The following PSD variants were observed in gnomAD, a reference collection of about 807,000 sequenced individuals.
The protein encoded by PSD is PH and SEC7 domain-containing protein 1.
Under a neutral mutation model 91.6 loss-of-function variants are expected in PSD, and 32 were observed. The ratio of observed to expected loss-of-function variants is 0.35; its 90% CI spans 0.26 to 0.47. The LOEUF is 0.47. Among genes scored for constraint, PSD ranks in the 20% least tolerant of loss-of-function variants. PSD has a pLI of 1.00. For synonymous variants in PSD, 532 were observed against 569.3 expected, an observed-to-expected ratio of 0.93 and a Z score of 0.93; for missense variants, 1,099 against 1,373.9, an observed-to-expected ratio of 0.80 and a Z score of 3.16.
chr10:102,416,751 G>A lies in PSD; in HGVS notation c.288C>T (p.Ala96=), dbSNP rs751841760. 5.0e-6 allele frequency: 8 copies of A among 1,590,374 alleles called. No homozygotes were observed. Among genetic ancestry groups the A allele is most frequent in the African/African-American group, 4.0e-5 (3 of 74,406 alleles). Residue 96 remains alanine (A), a synonymous_variant, in exon 2 of 17, where the codon GCC becomes GCT. Transcript: ENST00000020673. This position sits in a 1 kb window ranked among gnomAD's most constrained non-coding sequence, Gnocchi z 6.0. ...AGCGGAAGATGACCACAGAGCTCTG[G>A]GCCCCGGGTGGGGGCTGCCCAGTGG... is the stretch of plus-strand genomic sequence containing the variant. ...SSPTGQPPPG[A]QSSVVIFRFV...
Position 102,411,046 on chromosome 10 carries a change from G to C in PSD, c.2001+12C>G. 5 of 1,612,760 alleles carry C rather than the reference G, an allele frequency of 3.1e-6. No homozygotes were observed. The African/African-American group carries it at 5.3e-5, about 17-fold the overall frequency. On this transcript the variant is annotated intron_variant, in intron 9 of 16. Transcript: ENST00000020673. ...TTTGTTTTCCGGCTCCTGCCCGCCC[G>C]CCTCCACTCACATGGCCGTGGAGAT...
rs1589898242 is a variant in PSD at position 102,418,707 on chromosome 10, T to C, written c.-90A>G. On this transcript the variant is annotated 5_prime_UTR_variant, in exon 1 of 17. Transcript: ENST00000020673. Reference sequence around the variant, plus strand: ...ATGCCACCTCAGTACTCACCGCTGCTCGCCCAGAGCTGAGACCGAGGAGAG... The same window carrying C: ...ATGCCACCTCAGTACTCACCGCTGCCCGCCCAGAGCTGAGACCGAGGAGAG... 2 of 455,738 alleles carry C rather than the reference T, an allele frequency of 4.4e-6. No homozygotes were observed. Among genetic ancestry groups the C allele is most frequent in the East Asian group, 7.0e-5 (1 of 14,372 alleles). 28.2% of individuals were successfully genotyped at this position (455,738 alleles called of 1,614,324 possible).
chr10:102,406,601 G>A (rs991627486), intron 11 of PSD, among the ~76,000 whole-genome samples: 4 of 149,718 alleles, frequency 2.7e-5, no homozygotes, highest in South Asian at 2.1e-4. Flanking sequence ...TCCACCTCTC[G>A]GGTTCACAGC....
rs766256978 is a variant in PSD, at chr10:102,412,558, T to C, written c.1571A>G (p.Gln524Arg). The C allele has an allele frequency of 1.9e-6, 3 of 1,612,978 alleles. No individual in the cohort carries two copies. In the Admixed American group the frequency reaches 5.0e-5, roughly 27 times the overall value. The change falls in exon 6 of 17, where the codon CAG becomes CGG. Residue 524 changes from glutamine to arginine, a missense_variant. Physicochemically the swap from Gln to Arg is conservative, Grantham distance 43 (BLOSUM62 1). Transcript: ENST00000020673. ...APLGSEPPLS[Q>R]LVSDSDSELD... ...CTCTGAGTCTGAGTCGGACACCAGCTGGCTCAGGGGTGGTTCGCTGCCGGG... is the reference window on the plus strand; with the variant it reads ...CTCTGAGTCTGAGTCGGACACCAGCCGGCTCAGGGGTGGTTCGCTGCCGGG...
chr10:102,403,452 T>C lies in PSD; in HGVS notation c.2845-22A>G, dbSNP rs2061310240. On this transcript the variant is annotated intron_variant, in intron 16 of 16. Transcript: ENST00000020673. This position sits in a 1 kb window ranked among gnomAD's most constrained non-coding sequence, Gnocchi z 6.7. ...ATTTCTGAGGCAGAGGGGCAGGGGC[T>C]GTGAGAGCCTCTTCTCTGCCTTCTG... The C allele has an allele frequency of 6.3e-7, 1 of 1,579,948 alleles. No individual in the cohort carries two copies. The highest frequency in any genetic ancestry group is 8.6e-7 in the Non-Finnish European group (1 of 1,163,570).
Position 102,415,068 on chromosome 10 carries a change from C to T in PSD, c.919G>A (p.Glu307Lys). 6.2e-7 allele frequency: 1 copy of T among 1,614,080 alleles called. No individual in the cohort carries two copies. The highest frequency in any genetic ancestry group is 8.5e-7 in the Non-Finnish European group (1 of 1,179,990). Residue 307 changes from glutamate to lysine, a missense_variant, in exon 4 of 17, where the codon GAG becomes AAG. Around this residue, in one of 3 missense-constraint regions of PSD, gnomAD observed 631 missense variants for 728.8 expected, o/e 0.87. Coordinates refer to ENST00000020673, the MANE Select transcript of PSD (RefSeq NM_002779.5). ...ATGGCCGAGTCGGCCTCCTCCCGCT[C>T]AGCCAGCACCTCATCGATGTCAGTC... ...RETDIDEVLAEREEADSAIES... is the reference protein window; with the variant it reads ...RETDIDEVLAKREEADSAIES...
intron 8 of PSD, 131 bp from the exon 9 acceptor site, chr10:102,411,247 A>T: frequency 4.1e-6 from 3 of 731,350 alleles, no homozygotes; most frequent in Non-Finnish European, 6.5e-6. Flanking sequence ...CCGCTAGTAA[A>T]CCCTCCCCAC....
At chr10:102,406,683 G>A (rs900666549) in intron 11 of PSD, among the ~76,000 whole-genome samples, 28 of 152,100 alleles carry the variant, frequency 1.8e-4, no homozygotes, top group South Asian at 8.3e-4. Flanking sequence ...AATTTTTTGT[G>A]TTTTTAGTGG....
intron 5 of PSD, among the ~76,000 whole-genome samples, chr10:102,413,325 C>T (rs1041957677): frequency 6.6e-6 from 1 of 152,150 alleles, no homozygotes; most frequent in Non-Finnish European, 1.5e-5. Flanking sequence ...AAAGGACTTC[C>T]TGGAGCTGGA....
chr10:102,419,172 A>T (rs907289381), upstream of PSD: 32 of 220,180 alleles, frequency 1.5e-4, no homozygotes, highest in African/African-American at 6.7e-4. The surrounding 1 kb of genome is among the most constrained non-coding windows in gnomAD (Gnocchi z 4.8). Context: ...CCCCACGAGC[A>T]CGCGGCCGCG....
In PSD at chr10:102,413,986, G is replaced by T. The variant is rs2061449780; in HGVS notation, c.1336C>A (p.Pro446Thr). Reference sequence around the variant, plus strand: ...TCGGGCCGGGGTGCAGGGGGTTGGGGAGGCAGCTCAAAGGTGAAGAAGGGG... The same window carrying T: ...TCGGGCCGGGGTGCAGGGGGTTGGGTAGGCAGCTCAAAGGTGAAGAAGGGG... ...QSPFFTFELP[P>T]QPPAPRPDPP... Residue 446 changes from proline to threonine, a missense_variant, in exon 5 of 17, where the codon CCC becomes ACC. Transcript: ENST00000020673. The T allele has an allele frequency of 2.5e-6, 4 of 1,613,830 alleles. No individual in the cohort carries two copies. The South Asian group carries it at 3.3e-5, about 13-fold the overall frequency.
chr10:102,405,278 G>A lies in PSD; in HGVS notation c.2327-25C>T, dbSNP rs562237093. 19 of 1,609,922 alleles carry A rather than the reference G, an allele frequency of 1.2e-5. No homozygotes were observed. In the South Asian group the frequency reaches 1.5e-4, roughly 13 times the overall value. On this transcript the variant is annotated intron_variant, in intron 12 of 16. Transcript: ENST00000020673. The surrounding 1 kb of genome is among the most constrained non-coding windows in gnomAD (Gnocchi z 5.4). ...GCTGCGGGGAGAGAAGACAGGTCAG[G>A]GGGCCCTGGAACAGGCCCACTCCCA...
intron 10 of PSD, 73 bp from the exon 11 acceptor site, chr10:102,407,339 C>G: frequency 9.9e-7 from 1 of 1,008,876 alleles, no homozygotes; most frequent in Non-Finnish European, 1.4e-6. Context: ...GCCTTCCCCT[C>G]TAACTTGAGA....
At position 102,409,238 on chromosome 10, in the gene PSD, G is replaced by T; in HGVS notation, c.2091+1620C>A. ...CCGAGCCGGCCCGGCTCTCACGGACGCACGGAGTGCGCGGCGGCGGCGGCG... is the reference window on the plus strand; with the variant it reads ...CCGAGCCGGCCCGGCTCTCACGGACTCACGGAGTGCGCGGCGGCGGCGGCG... On this transcript the variant is annotated intron_variant, in intron 10 of 16. Coordinates refer to ENST00000020673, the MANE Select transcript of PSD (RefSeq NM_002779.5). The surrounding 1 kb of genome is among the most constrained non-coding windows in gnomAD (Gnocchi z 5.7). 2.0e-6 allele frequency: 2 copies of T among 984,324 alleles called. No homozygotes were observed. The highest frequency in any genetic ancestry group is 2.4e-6 in the Non-Finnish European group (2 of 829,416). The allele number at this position is 984,324 out of a possible 1,614,324, so 61.0% of individuals were successfully genotyped here. A position where few individuals can be genotyped will look rare whatever the true frequency, so the allele number is the denominator to read the frequency against.
chr10:102,406,041 C>T (rs1027565150), intron 11 of PSD: 4 of 156,822 alleles, frequency 2.6e-5, no homozygotes, highest in Non-Finnish European at 5.7e-5. Context: ...TGCTCAAGAA[C>T]CTGTGGTAGT....
In PSD at chr10:102,402,639, A is replaced by T. The variant is rs747538186; in HGVS notation, c.*561T>A. On this transcript the variant is annotated 3_prime_UTR_variant, in exon 17 of 17. Coordinates refer to ENST00000020673, the MANE Select transcript of PSD (RefSeq NM_002779.5). ...AGCCAGCAAGTCCAGAGCAGTTTTA[A>T]TGGGGGTGGAGGCTGTACAAAGGGC... is the stretch of plus-strand genomic sequence containing the variant. The T allele has an allele frequency of 9.5e-6, 4 of 422,232 alleles. No individual in the cohort carries two copies. The highest frequency in any genetic ancestry group is 2.0e-5 in the African/African-American group (1 of 49,358). The allele number at this position is 422,232 out of a possible 1,614,324, so 26.2% of individuals were successfully genotyped here.
Position 102,411,083 on chromosome 10 carries a change from A to G in PSD, c.1976T>C (p.Leu659Pro). Reference sequence around the variant, plus strand: ...ATGGCCGTGGAGATCCGTGTTGAGCAGCATGAGCGCACAGGTCAGCGTGTG... The same window carrying G: ...ATGGCCGTGGAGATCCGTGTTGAGCGGCATGAGCGCACAGGTCAGCGTGTG... ...GAHTLTCALM[L>P]LNTDLHGHNI... Residue 659 changes from leucine (L) to proline (P), a missense_variant, in exon 9 of 17, where the codon CTG becomes CCG. Coordinates refer to ENST00000020673, the MANE Select transcript of PSD (RefSeq NM_002779.5). 1.9e-6 allele frequency: 3 copies of G among 1,612,386 alleles called. No individual in the cohort carries two copies. Among genetic ancestry groups the G allele is most frequent in the Non-Finnish European group, 2.5e-6 (3 of 1,178,738 alleles).
At position 102,404,920 on chromosome 10, in the gene PSD, G is replaced by A. The variant is rs765755687; in HGVS notation, c.2533C>T (p.Arg845Trp). ...CACGGGGCCTGGAAGAGGAAGACCCGCCAGTCAGCTGTGCGCAGGTAGAAG... is the reference window on the plus strand; with the variant it reads ...CACGGGGCCTGGAAGAGGAAGACCCACCAGTCAGCTGTGCGCAGGTAGAAG... ...HVFYLRTADW[R>W]VFLFQAPSLE... is the part of the protein sequence containing the mutation. The change falls in exon 14 of 17, where the codon CGG becomes TGG. Residue 845 changes from arginine to tryptophan, a missense_variant. Around this residue, in one of 3 missense-constraint regions of PSD, gnomAD observed 358 missense variants for 426.5 expected, o/e 0.84. Transcript: ENST00000020673. The surrounding 1 kb of genome is among the most constrained non-coding windows in gnomAD (Gnocchi z 5.7). 1.2e-6 allele frequency: 2 copies of A among 1,613,592 alleles called. No individual in the cohort carries two copies. The highest frequency in any genetic ancestry group is 8.5e-7 in the Non-Finnish European group (1 of 1,179,854).
intron 1 of PSD, among the ~76,000 whole-genome samples, chr10:102,417,328 G>A (rs1259902396): frequency 2.0e-5 from 3 of 152,244 alleles, no homozygotes; most frequent in Middle Eastern, 3.4e-3. Context: ...TGGGCCCCTG[G>A]CTCCTTTCCT....
Sources: allele counts gnomAD v4.1 joint callset (sites outside exome capture counted in the v4.1 genomes callset), GRCh38; gene constraint gnomAD v4.1.1; regional missense constraint gnomAD v4.1.1; non-coding constraint Gnocchi (gnomAD v3.1); transcripts MANE v1.5; gene names NCBI Gene and HGNC (gene_info 2026-07-23, HGNC 2026-07-21).